KDM2B: variants seen among roughly 807,000 people sequenced by gnomAD.
KDM2B encodes the protein lysine-specific demethylase 2B.
In KDM2B, 26 loss-of-function variants were observed where a neutral mutation model predicts 150.0. The observed-to-expected ratio is 0.17, with a 90% CI of 0.13 to 0.24. KDM2B has a LOEUF of 0.24. KDM2B is among the 10% of genes least tolerant of loss of function. The probability of loss-of-function intolerance (pLI) is 1.00; values close to 1 mark genes in which losing one functional copy is unlikely to be tolerated. For synonymous variants in KDM2B, 734 were observed against 729.5 expected (o/e 1.01, Z -0.10); for missense variants, 1,265 against 1,816.9 (o/e 0.70, Z 5.52).
chr12:121,557,615 C>T (rs568845078), intron 4 of KDM2B, among the ~76,000 whole-genome samples: 4 of 152,234 alleles, frequency 2.6e-5, no homozygotes, highest in African/African-American at 9.6e-5. Context: ...ATCAGAGTGA[C>T]GCAGCTACAA....
intron 6 of KDM2B, among the ~76,000 whole-genome samples, chr12:121,548,149 C>T (rs532987698): frequency 3.8e-4 from 58 of 152,296 alleles, no homozygotes; most frequent in African/African-American, 1.3e-3. Flanking sequence ...CCGTGACTCA[C>T]GCCTGTACTT....
At chr12:121,484,347 T>C (rs1882510079) in intron 12 of KDM2B, among the ~76,000 whole-genome samples, 1 of 151,952 alleles carries the variant, frequency 6.6e-6, no homozygotes, top group Non-Finnish European at 1.5e-5. Flanking sequence ...AAAAGGGCAC[T>C]CCGAGAAGGA....
In KDM2B at chr12:121,549,533, T is replaced by C; in HGVS notation, c.503A>G (p.Asp168Gly). Residue 168 changes from aspartate (D) to glycine (G), a missense_variant, in exon 5 of 23, where the codon GAC (aspartate) becomes GGC (glycine). Transcript: ENST00000377071. This position sits in a 1 kb window ranked among gnomAD's most constrained non-coding sequence, Gnocchi z 4.4. The part of the protein sequence containing the change: ...RYYETPEAQR[D>G]KLYNVISLEF... ...TAGGCTGATGACGTTGTACAGCTTG[T>C]CCCGCTGGGCCTCGGGCGTCTCGTA... 4 of 1,613,522 alleles carry C rather than the reference T, an allele frequency of 2.5e-6. No individual in the cohort carries two copies. Among genetic ancestry groups the C allele is most frequent in the Non-Finnish European group, 3.4e-6 (4 of 1,179,646 alleles).
chr12:121,555,847 G>T (rs1889846649), intron 4 of KDM2B, among the ~76,000 whole-genome samples: 1 of 152,052 alleles, frequency 6.6e-6, no homozygotes, highest in African/African-American at 2.4e-5. Context: ...GAATGCCTTG[G>T]TACCCTCCTT....
downstream of KDM2B, chr12:121,424,213 T>G (rs781874488): frequency 3.3e-5 from 5 of 152,848 alleles, no homozygotes; most frequent in Non-Finnish European, 4.4e-5. Flanking sequence ...GCATCTAGCT[T>G]CTTTTATTAG....
intron 10 of KDM2B, among the ~76,000 whole-genome samples, chr12:121,511,595 T>C (rs1189182859): frequency 1.3e-5 from 2 of 152,204 alleles, no homozygotes; most frequent in African/African-American, 2.4e-5. Context: ...GGTGCTAGGA[T>C]TACAGGCATG....
At chr12:121,500,036 C>T (rs1158237839) in intron 11 of KDM2B, among the ~76,000 whole-genome samples, 1 of 152,068 alleles carries the variant, frequency 6.6e-6, no homozygotes, top group Non-Finnish European at 1.5e-5. Flanking sequence ...TCATACCTCC[C>T]GTTTCCCTCT....
intron 22 of KDM2B, chr12:121,433,281 C>T: frequency 6.8e-6 from 3 of 442,098 alleles, no homozygotes; most frequent in South Asian, 1.6e-5. Context: ...GGACCTTCCA[C>T]AGGCAGGCTG....
At chr12:121,577,915 G>A (rs1555317098) in intron 2 of KDM2B, among the ~76,000 whole-genome samples, 1 of 152,094 alleles carries the variant, frequency 6.6e-6, no homozygotes, top group Non-Finnish European at 1.5e-5. Context: ...ACATCTGGAG[G>A]GTGACCCCCA....
chr12:121,463,299 G>A (rs1052181803), intron 12 of KDM2B, among the ~76,000 whole-genome samples: 7 of 151,334 alleles, frequency 4.6e-5, no homozygotes, highest in Non-Finnish European at 8.8e-5. Context: ...CTGGACAACA[G>A]AGCGAGACTC....
At chr12:121,571,689 C>T (rs1161273884) in intron 4 of KDM2B, among the ~76,000 whole-genome samples, 2 of 147,786 alleles carry the variant, frequency 1.4e-5, no homozygotes, top group South Asian at 2.1e-4. Context: ...CTCACTGTGT[C>T]GCCTGGGCTG....
At chr12:121,437,994 C>T (rs1874295376) in intron 22 of KDM2B, among the ~76,000 whole-genome samples, 1 of 152,102 alleles carries the variant, frequency 6.6e-6, no homozygotes, top group Non-Finnish European at 1.5e-5. Flanking sequence ...TGGCACACGC[C>T]TGTAATCCCA....
At chr12:121,573,414 C>T (rs1208984185) in intron 4 of KDM2B, among the ~76,000 whole-genome samples, 2 of 151,702 alleles carry the variant, frequency 1.3e-5, no homozygotes, top group African/African-American at 4.8e-5. Flanking sequence ...TCCAGAGTAG[C>T]TGGGACTACA....
intron 12 of KDM2B, among the ~76,000 whole-genome samples, chr12:121,460,549 C>T (rs1266514434): frequency 2.6e-5 from 4 of 152,184 alleles, no homozygotes; most frequent in Non-Finnish European, 5.9e-5. Context: ...CAGGCATGTG[C>T]CACCACACCA....
chr12:121,427,090 G>A (rs782609378), downstream of KDM2B, among the ~76,000 whole-genome samples: 22 of 152,320 alleles, frequency 1.4e-4, no homozygotes, highest in Admixed American at 2.6e-4. Flanking sequence ...GGAAGGGACA[G>A]AGCCTCTTTT....
Position 121,468,611 on chromosome 12 carries a change from C to T in KDM2B, c.1735-15267G>A, listed in dbSNP as rs1880384868. 6.6e-6 allele frequency: 1 copy of T among 152,244 alleles called. No individual in the cohort carries two copies. The highest frequency in any genetic ancestry group is 2.1e-4 in the South Asian group (1 of 4,834). The allele number at this position is 152,244 out of a possible 1,614,324, so 9.4% of individuals were successfully genotyped here. On this transcript the variant is annotated intron_variant, in intron 12 of 22. Coordinates refer to ENST00000377071, the MANE Select transcript of KDM2B (RefSeq NM_032590.5). This position sits in a 1 kb window ranked among gnomAD's most constrained non-coding sequence, Gnocchi z 4.0. ...AAGCCATGAAATCAGGTGATCAGCT[C>T]TGCAATGGCCATCTGTTAGTCACGT...
chr12:121,413,415 CTTT>C, the KDM2B span, among the ~76,000 whole-genome samples: 1,766 of 130,696 alleles, frequency 0.014, 50 homozygotes, highest in African/African-American at 0.054. Flanking sequence ...TTTACCTGTC[CTTT>C]TTTTTTTTTT....
chr12:121,441,661 T>G (rs1193465380), intron 19 of KDM2B, among the ~76,000 whole-genome samples: 1 of 152,114 alleles, frequency 6.6e-6, no homozygotes, highest in Non-Finnish European at 1.5e-5. Context: ...GGTCTTGAAC[T>G]CCTGACTTCA....
At chr12:121,424,389 C>G (rs1872407167), downstream of KDM2B, 1 of 152,438 alleles carries the variant, frequency 6.6e-6, no homozygotes, top group African/African-American at 2.4e-5. Context: ...AATCAAGTGA[C>G]CTGGCCTAGC....
Sources: allele counts gnomAD v4.1 joint callset (sites outside exome capture counted in the v4.1 genomes callset), GRCh38; gene constraint gnomAD v4.1.1; non-coding constraint Gnocchi (gnomAD v3.1); transcripts MANE v1.5; gene names NCBI Gene and HGNC (gene_info 2026-07-23, HGNC 2026-07-21).